The following PLPPR1 variants were observed in gnomAD, a reference collection of about 807,000 sequenced individuals.
PLPPR1 encodes the protein phospholipid phosphatase related 1.
In PLPPR1, 10 loss-of-function variants were observed where a neutral mutation model predicts 33.1. That is an observed-to-expected ratio of 0.30 (90% CI 0.19 to 0.51). PLPPR1 has a LOEUF of 0.51. Among genes scored for constraint, PLPPR1 ranks in the 20% least tolerant of loss-of-function variants. The probability of loss-of-function intolerance (pLI) is 0.97; values close to 1 mark genes in which losing one functional copy is unlikely to be tolerated. For synonymous variants in PLPPR1, 151 were observed against 151.0 expected (o/e 1.00, Z 0.00); for missense variants, 304 against 408.1 (o/e 0.74, Z 2.20).
At chr9:101,183,691 T>TTGTGTGTG (rs66895172) in intron 1 of PLPPR1, among the ~76,000 whole-genome samples, 4 of 150,142 alleles carry the variant, frequency 2.7e-5, no homozygotes, top group African/African-American at 9.8e-5. Flanking sequence ...TCCCGTCTCT[T>TTGTGTGTG]TGTGTGTGTG....
chr9:101,063,402 G>A (rs1221200207), intron 1 of PLPPR1, among the ~76,000 whole-genome samples: 1 of 152,038 alleles, frequency 6.6e-6, no homozygotes, highest in Non-Finnish European at 1.5e-5. Context: ...GAGAGGTTGT[G>A]AGTACCCTTC....
chr9:101,048,139 T>G (rs1830176163), intron 1 of PLPPR1, among the ~76,000 whole-genome samples: 1 of 152,236 alleles, frequency 6.6e-6, no homozygotes, highest in African/African-American at 2.4e-5. Context: ...TCATTTCTTC[T>G]TCTTCTGTGT....
rs140059994 is a variant in PLPPR1 at position 101,213,200 on chromosome 9, C to A, written c.63+27643C>A. Among the ~76,000 whole-genome samples the A allele has an allele frequency of 1.4e-4, 22 of 152,232 alleles. 1 individual carries two copies. The highest frequency in any genetic ancestry group is 1.4e-3 in the Admixed American group (22 of 15,278). On this transcript the variant is annotated intron_variant, in intron 2 of 7. Transcript: ENST00000374874. ...CCTTTAATGCAAACTTACCATTCTT[C>A]TACAGTTTATCAGAATTTTTATAAT...
chr9:101,064,899 A>C (rs748409765), intron 1 of PLPPR1, among the ~76,000 whole-genome samples: 2 of 151,968 alleles, frequency 1.3e-5, no homozygotes, highest in African/African-American at 2.4e-5. Context: ...CGTGATAACC[A>C]ACCCATTCTC....
At chr9:101,201,420 G>C (rs968484281) in intron 2 of PLPPR1, among the ~76,000 whole-genome samples, 4 of 152,254 alleles carry the variant, frequency 2.6e-5, no homozygotes, top group Admixed American at 6.5e-5. Context: ...ACACTTTGAA[G>C]CTAAAATATA....
Position 101,281,021 on chromosome 9 carries a change from T to TAAAG in PLPPR1, c.253-5081_253-5078dup, listed in dbSNP as rs2118909256. Among the ~76,000 whole-genome samples, 2 of 152,098 alleles carry TAAAG rather than the reference T, an allele frequency of 1.3e-5. 1 individual carries two copies. Among genetic ancestry groups the TAAAG allele is most frequent in the South Asian group, 4.2e-4 (2 of 4,812 alleles). ...ATATGATCTTATATTTGGAAAAACC[T>TAAAG]AAAGACTCCACCAAAAAAAACCTAT... On this transcript the variant is annotated intron_variant, in intron 3 of 7. Transcript: ENST00000374874.
chr9:101,229,902 C>A (rs1161647931), intron 2 of PLPPR1, among the ~76,000 whole-genome samples: 1 of 152,118 alleles, frequency 6.6e-6, no homozygotes, highest in African/African-American at 2.4e-5. Context: ...ACGTGCACTT[C>A]CTCTTGTAAG....
intron 2 of PLPPR1, among the ~76,000 whole-genome samples, chr9:101,259,407 C>T (rs1420941674): frequency 1.3e-5 from 2 of 152,130 alleles, no homozygotes; most frequent in South Asian, 2.1e-4. Context: ...CCTAGAATAG[C>T]TGTGTCTTAA....
At chr9:101,166,373 C>T (rs1241362455) in intron 1 of PLPPR1, among the ~76,000 whole-genome samples, 3 of 152,172 alleles carry the variant, frequency 2.0e-5, no homozygotes, top group Non-Finnish European at 4.4e-5. Context: ...TTTTATCCCA[C>T]TTGTAATGAC....
At chr9:101,271,056 A>T (rs892200930) in intron 3 of PLPPR1, among the ~76,000 whole-genome samples, 8 of 152,202 alleles carry the variant, frequency 5.3e-5, no homozygotes, top group African/African-American at 1.9e-4. Context: ...TTTGAAGATA[A>T]ATAATATGGG....
At chr9:101,168,008 T>C (rs1248646536) in intron 1 of PLPPR1, among the ~76,000 whole-genome samples, 1 of 151,824 alleles carries the variant, frequency 6.6e-6, no homozygotes, top group East Asian at 1.9e-4. Flanking sequence ...TGTAAAACCA[T>C]AAGATCTCCT....
At chr9:101,125,101 A>G (rs1831227718) in intron 1 of PLPPR1, among the ~76,000 whole-genome samples, 1 of 151,816 alleles carries the variant, frequency 6.6e-6, no homozygotes, top group Non-Finnish European at 1.5e-5. Context: ...GCTAGTCTCT[A>G]CTTTTGTACC....
intron 4 of PLPPR1, among the ~76,000 whole-genome samples, chr9:101,303,516 G>A (rs1310964253): frequency 1.3e-5 from 2 of 152,084 alleles, no homozygotes; most frequent in African/African-American, 4.8e-5. Flanking sequence ...GGTCAGGCTG[G>A]TCTTGAACTC....
chr9:101,128,807 G>A (rs947623288), intron 1 of PLPPR1, among the ~76,000 whole-genome samples: 6 of 152,126 alleles, frequency 3.9e-5, no homozygotes, highest in African/African-American at 1.4e-4. Context: ...ATGAGGAATA[G>A]AGAGGTTAAA....
chr9:101,256,809 A>G (rs567396051), intron 2 of PLPPR1, among the ~76,000 whole-genome samples: 3 of 152,146 alleles, frequency 2.0e-5, no homozygotes, highest in Non-Finnish European at 4.4e-5. Flanking sequence ...CAATGGTTCA[A>G]TGATCAAGAA....
At chr9:101,052,595 T>C (rs1332988205) in intron 1 of PLPPR1, among the ~76,000 whole-genome samples, 6 of 152,150 alleles carry the variant, frequency 3.9e-5, no homozygotes, top group African/African-American at 1.4e-4. Flanking sequence ...TGTTGCCTTT[T>C]TTCATAGGAA....
intron 1 of PLPPR1, among the ~76,000 whole-genome samples, chr9:101,030,689 C>A (rs749746292): frequency 1.4e-4 from 22 of 151,952 alleles, no homozygotes; most frequent in Middle Eastern, 3.4e-3. Flanking sequence ...GAAGTAAACT[C>A]CGGAAGCTCA....
intron 1 of PLPPR1, among the ~76,000 whole-genome samples, chr9:101,142,294 A>G (rs1431465): frequency 0.48 from 72,381 of 152,044 alleles, 17,802 homozygotes; most frequent in Non-Finnish European, 0.54. Context: ...CTCTGGTCAT[A>G]CATTTTGAGT....
intron 1 of PLPPR1, among the ~76,000 whole-genome samples, chr9:101,093,917 T>C (rs571017084): frequency 2.6e-4 from 40 of 152,298 alleles, no homozygotes; most frequent in African/African-American, 8.7e-4. Context: ...GAAAGTGTGA[T>C]AGGATACATG....
Sources: allele counts gnomAD v4.1 joint callset (sites outside exome capture counted in the v4.1 genomes callset), GRCh38; gene constraint gnomAD v4.1.1; transcripts MANE v1.5; gene names NCBI Gene and HGNC (gene_info 2026-07-23, HGNC 2026-07-21).